THSD4: variants seen among roughly 807,000 people sequenced by gnomAD.
THSD4 encodes the protein thrombospondin type-1 domain-containing protein 4.
THSD4 carries 69 observed loss-of-function variants against 119.0 expected under a neutral mutation model. That is an observed-to-expected ratio of 0.58 (90% CI 0.48 to 0.71). The LOEUF is 0.71. THSD4 is among the 30% of genes least tolerant of loss of function. The pLI, the probability that THSD4 is intolerant of heterozygous loss-of-function variation, is 0.00. For synonymous variants in THSD4, 524 were observed against 540.4 expected (o/e 0.97, Z 0.42); for missense variants, 1,393 against 1,391.1 (o/e 1.00, Z -0.02).
intron 1 of THSD4, among the ~76,000 whole-genome samples, chr15:71,100,049 CTTTG>C (rs1370565465): frequency 6.6e-6 from 1 of 152,122 alleles, no homozygotes; most frequent in African/African-American, 2.4e-5. Flanking sequence ...TCTTAGTTTT[CTTTG>C]TTTGTTTGCT....
At chr15:71,708,807 C>A (rs1266947593) in intron 8 of THSD4, among the ~76,000 whole-genome samples, 1 of 152,206 alleles carries the variant, frequency 6.6e-6, no homozygotes, top group Non-Finnish European at 1.5e-5. Flanking sequence ...TTTCTGTCAG[C>A]ACTTAAAGTG....
chr15:71,759,207 A>G (rs2053592421), intron 15 of THSD4, among the ~76,000 whole-genome samples: 2 of 152,238 alleles, frequency 1.3e-5, no homozygotes, highest in Non-Finnish European at 2.9e-5. Flanking sequence ...CAAAAAGCAT[A>G]GGGAAATGTT....
chr15:71,563,933 G>T (rs1003040580), intron 7 of THSD4, among the ~76,000 whole-genome samples: 1 of 152,134 alleles, frequency 6.6e-6, no homozygotes, highest in Admixed American at 6.5e-5. Flanking sequence ...TTTTGGGGGT[G>T]TGGGGGTGGG....
At chr15:71,199,146 C>T (rs536947615) in intron 3 of THSD4, among the ~76,000 whole-genome samples, 3 of 152,310 alleles carry the variant, frequency 2.0e-5, no homozygotes, top group Non-Finnish European at 2.9e-5. Flanking sequence ...GGATACCACT[C>T]GGGGTCCCCA....
Position 71,306,333 on chromosome 15 carries a change from AAAAAAG to A in THSD4, c.1015+49619_1015+49624del, listed in dbSNP as rs1189950984. 1.3e-3 allele frequency among the ~76,000 whole-genome samples: 170 copies of A among 131,588 alleles called. 3 individuals carry two copies. Among genetic ancestry groups the A allele is most frequent in the African/African-American group, 4.3e-3 (162 of 37,428 alleles). The allele number at this position is 131,588 out of a possible 152,430, so 86.3% of individuals were successfully genotyped here. A position where few individuals can be genotyped will look rare whatever the true frequency, so the allele number is the denominator to read the frequency against. On this transcript the variant is annotated intron_variant, in intron 6 of 17. Transcript: ENST00000261862. The stretch of plus-strand genomic sequence containing the variant: ...AAAAAAAAAAAAAAAAAAAAAAAAA[AAAAAAG>A]GGAATGGTATTATATATTTTTTGAT...
chr15:71,524,946 T>C (rs1292540357), intron 7 of THSD4, among the ~76,000 whole-genome samples: 1 of 150,826 alleles, frequency 6.6e-6, no homozygotes, highest in East Asian at 2.0e-4. Context: ...TCCTTGCCCA[T>C]GCTCCCTCCC....
chr15:71,779,013 C>T lies in THSD4; in HGVS notation c.*1639C>T, dbSNP rs2053959901. Reference sequence around the variant, plus strand: ...CCTGGATTCTTAGCAAAGTGTTTCCCCCATTTGCTCTTTTAGCTGACAAAT... The same window carrying T: ...CCTGGATTCTTAGCAAAGTGTTTCCTCCATTTGCTCTTTTAGCTGACAAAT... On this transcript the variant is annotated 3_prime_UTR_variant, in exon 18 of 18. Transcript: ENST00000261862. 1 of 152,210 alleles carries T rather than the reference C, an allele frequency of 6.6e-6. No homozygotes were observed. Among genetic ancestry groups the T allele is most frequent in the Non-Finnish European group, 1.5e-5 (1 of 68,048 alleles). The allele number at this position is 152,210 out of a possible 1,614,324, so 9.4% of individuals were successfully genotyped here.
intron 6 of THSD4, among the ~76,000 whole-genome samples, chr15:71,368,754 T>A (rs927230176): frequency 1.3e-5 from 2 of 152,178 alleles, no homozygotes; most frequent in Non-Finnish European, 2.9e-5. Flanking sequence ...CTTAGGATTG[T>A]CTTGGCTATG....
In THSD4 at chr15:71,394,078, A is replaced by ATAT. The variant is rs1555409463; in HGVS notation, c.1016-17608_1016-17607insATT. Among the ~76,000 whole-genome samples, 1,470 of 148,136 alleles carry ATAT rather than the reference A, an allele frequency of 9.9e-3. 13 individuals are homozygous for ATAT. The highest frequency in any genetic ancestry group is 0.015 in the Non-Finnish European group (1,017 of 67,138). On this transcript the variant is annotated intron_variant, in intron 6 of 17. Transcript: ENST00000261862. ...TAAATGTGAATATCAGATACACAAT[A>ATAT]TTTTTTTTTTTTTACCATATTTAGT...
At chr15:71,285,724 T>G (rs951077875) in intron 6 of THSD4, among the ~76,000 whole-genome samples, 1 of 151,916 alleles carries the variant, frequency 6.6e-6, no homozygotes. Flanking sequence ...CGTAGTGGTG[T>G]GCACCTGTAG....
chr15:71,142,772 G>A (rs1282935913), intron 2 of THSD4, among the ~76,000 whole-genome samples: 3 of 152,240 alleles, frequency 2.0e-5, no homozygotes, highest in African/African-American at 7.2e-5. Context: ...TCTGGAATGA[G>A]GGGAAGGAAG....
At chr15:71,603,168 C>T (rs1158593045) in intron 7 of THSD4, among the ~76,000 whole-genome samples, 1 of 152,214 alleles carries the variant, frequency 6.6e-6, no homozygotes, top group African/African-American at 2.4e-5. Context: ...AGCTTTGCTC[C>T]TTGGTTCAGC....
chr15:71,520,409 C>G (rs2048423078), intron 7 of THSD4, among the ~76,000 whole-genome samples: 2 of 152,192 alleles, frequency 1.3e-5, no homozygotes, highest in South Asian at 2.1e-4. Context: ...AGTGACTGCT[C>G]TTTCTTGAAG....
At chr15:71,605,908 A>G (rs1484455423) in intron 7 of THSD4, among the ~76,000 whole-genome samples, 9 of 152,212 alleles carry the variant, frequency 5.9e-5, no homozygotes, top group Non-Finnish European at 1.3e-4. Context: ...AGGAAGGCAC[A>G]GGAGACTGAG....
intron 6 of THSD4, among the ~76,000 whole-genome samples, chr15:71,394,701 C>T (rs1282356561): frequency 6.6e-6 from 1 of 152,228 alleles, no homozygotes; most frequent in Non-Finnish European, 1.5e-5. Context: ...CAGTTCAGTT[C>T]AGAAGTCACT....
intron 17 of THSD4, among the ~76,000 whole-genome samples, chr15:71,774,323 A>AAAAC (rs1567146914): frequency 8.8e-5 from 13 of 147,796 alleles, no homozygotes; most frequent in South Asian, 4.3e-4. Flanking sequence ...AAAAAAAAAA[A>AAAAC]AAAACTACAA....
At position 71,104,917 on chromosome 15, in the gene THSD4, C is replaced by T. The variant is rs371191492; in HGVS notation, c.-80+7911C>T. 6.6e-5 allele frequency among the ~76,000 whole-genome samples: 10 copies of T among 152,244 alleles called. No individual in the cohort carries two copies. In the South Asian group the frequency reaches 8.3e-4, roughly 13 times the overall value. Reference sequence around the variant, plus strand: ...AGGGCTGAGTGACTTAGCCCTTGTCCGGCACGGCCTTATGTCCTCTTTATA... The same window carrying T: ...AGGGCTGAGTGACTTAGCCCTTGTCTGGCACGGCCTTATGTCCTCTTTATA... On this transcript the variant is annotated intron_variant, in intron 1 of 17. Transcript: ENST00000355327.
chr15:71,551,421 A>G (rs1314264340), intron 7 of THSD4, among the ~76,000 whole-genome samples: 1 of 152,242 alleles, frequency 6.6e-6, no homozygotes, highest in Non-Finnish European at 1.5e-5. Context: ...AAGAAAGCAA[A>G]GAAAGATTCC....
At chr15:71,484,772 G>A (rs1216554256) in intron 7 of THSD4, among the ~76,000 whole-genome samples, 1 of 152,200 alleles carries the variant, frequency 6.6e-6, no homozygotes, top group Admixed American at 6.5e-5. Flanking sequence ...TGGAGTTTGT[G>A]ATGAAGTGAA....
Sources: gnomAD v4.1 joint callset for allele counts (sites outside exome capture counted in the v4.1 genomes callset) on GRCh38, gnomAD v4.1.1 for gene constraint, MANE v1.5 for transcripts, NCBI Gene and HGNC (gene_info 2026-07-23, HGNC 2026-07-21) for gene names.